MAPKAP1: variants seen among roughly 807,000 people sequenced by gnomAD.
The protein encoded by MAPKAP1 is target of rapamycin complex 2 subunit MAPKAP1.
A neutral mutation model predicts 65.7 loss-of-function variants in MAPKAP1; 20 were observed. The observed-to-expected ratio is 0.30, with a 90% CI of 0.21 to 0.44. MAPKAP1 has a LOEUF of 0.44. Among genes scored for constraint, MAPKAP1 ranks in the 20% least tolerant of loss-of-function variants. The pLI, the probability that MAPKAP1 is intolerant of heterozygous loss-of-function variation, is 1.00. For synonymous variants in MAPKAP1, 222 were observed against 244.3 expected (o/e 0.91, Z 0.85); for missense variants, 423 against 648.0 (o/e 0.65, Z 3.77).
intron 7 of MAPKAP1, among the ~76,000 whole-genome samples, chr9:125,514,963 A>G (rs1829419016): frequency 1.3e-5 from 2 of 152,118 alleles, no homozygotes; most frequent in African/African-American, 2.4e-5. Context: ...TCCATCGCTT[A>G]TAACTCTTCC....
At chr9:125,527,478 T>C (rs1205532425) in intron 7 of MAPKAP1, among the ~76,000 whole-genome samples, 1 of 152,218 alleles carries the variant, frequency 6.6e-6, no homozygotes, top group Non-Finnish European at 1.5e-5. Flanking sequence ...TTAAGTTTTT[T>C]TGTGTGTGTG....
chr9:125,704,649 C>T (rs1180019824), intron 1 of MAPKAP1, among the ~76,000 whole-genome samples: 1 of 152,150 alleles, frequency 6.6e-6, no homozygotes, highest in African/African-American at 2.4e-5. Flanking sequence ...AATTTACCTC[C>T]CTTGCCTGGT....
intron 4 of MAPKAP1, among the ~76,000 whole-genome samples, chr9:125,593,151 A>C (rs1832021520): frequency 6.6e-6 from 1 of 151,912 alleles, no homozygotes; most frequent in Admixed American, 6.6e-5. Context: ...TAAAAATACA[A>C]AAATTAGCTA....
intron 1 of MAPKAP1, among the ~76,000 whole-genome samples, chr9:125,675,220 C>T (rs768936589): frequency 2.0e-5 from 3 of 152,136 alleles, no homozygotes; most frequent in Non-Finnish European, 2.9e-5. Context: ...GAATAGTTCT[C>T]CCTTGCAAAA....
intron 4 of MAPKAP1, among the ~76,000 whole-genome samples, chr9:125,628,876 C>CAAT (rs1473318809): frequency 1.3e-5 from 2 of 151,854 alleles, no homozygotes; most frequent in East Asian, 3.8e-4. Context: ...TCAACAACAA[C>CAAT]AACAACAACA....
chr9:125,694,414 T>C (rs543205997), intron 1 of MAPKAP1, among the ~76,000 whole-genome samples: 3 of 152,014 alleles, frequency 2.0e-5, no homozygotes, highest in Non-Finnish European at 4.4e-5. Context: ...TAAGCACACA[T>C]GCATTTACTA....
chr9:125,527,334 G>C (rs755833175), intron 7 of MAPKAP1, among the ~76,000 whole-genome samples: 6 of 152,164 alleles, frequency 3.9e-5, no homozygotes, highest in Non-Finnish European at 5.9e-5. Context: ...CCAAAGTGCT[G>C]GGATTACAGG....
chr9:125,706,992 G>C lies in MAPKAP1; in HGVS notation c.-91C>G, dbSNP rs1835784037. On this transcript the variant is annotated 5_prime_UTR_variant, in exon 1 of 12. Transcript: ENST00000265960. ...TTACCTGAAGCTGCTTCCACACTAC[G>C]GGCCGGGTCGGCCCCGGGACACGTT... The C allele has an allele frequency of 2.5e-6, 1 of 396,132 alleles. No individual in the cohort carries two copies. The highest frequency in any genetic ancestry group is 4.4e-5 in the Admixed American group (1 of 22,678). The allele number at this position is 396,132 out of a possible 1,614,324, so 24.5% of individuals were successfully genotyped here.
At chr9:125,607,180 C>T (rs1435646650) in intron 4 of MAPKAP1, among the ~76,000 whole-genome samples, 1 of 152,218 alleles carries the variant, frequency 6.6e-6, no homozygotes, top group Non-Finnish European at 1.5e-5. Flanking sequence ...CTGATAATCA[C>T]TTATGACCTA....
chr9:125,583,750 C>G (rs1308536960), intron 5 of MAPKAP1, among the ~76,000 whole-genome samples: 1 of 152,212 alleles, frequency 6.6e-6, no homozygotes, highest in African/African-American at 2.4e-5. Context: ...TCAGTGCCTG[C>G]CCTAAGTAAT....
chr9:125,700,993 G>C (rs1283586004), intron 1 of MAPKAP1, among the ~76,000 whole-genome samples: 1 of 152,182 alleles, frequency 6.6e-6, no homozygotes, highest in East Asian at 1.9e-4. Flanking sequence ...AGGAAGTAAT[G>C]AATAAAGAAC....
intron 9 of MAPKAP1, among the ~76,000 whole-genome samples, chr9:125,483,855 A>C (rs1475083490): frequency 1.3e-5 from 2 of 152,204 alleles, no homozygotes; most frequent in African/African-American, 4.8e-5. Context: ...GACACCTATA[A>C]AAGGCAGCCA....
At chr9:125,578,698 A>T (rs1362862057) in intron 5 of MAPKAP1, among the ~76,000 whole-genome samples, 3 of 152,202 alleles carry the variant, frequency 2.0e-5, no homozygotes, top group Non-Finnish European at 4.4e-5. Flanking sequence ...TAAAGACACA[A>T]AACACATGAA....
At chr9:125,601,901 T>A (rs967492427) in intron 4 of MAPKAP1, among the ~76,000 whole-genome samples, 1 of 152,230 alleles carries the variant, frequency 6.6e-6, no homozygotes, top group Non-Finnish European at 1.5e-5. Context: ...TATGGTTGTT[T>A]ACATTGTGAT....
chr9:125,600,144 A>T (rs551371268), intron 4 of MAPKAP1, among the ~76,000 whole-genome samples: 1 of 152,248 alleles, frequency 6.6e-6, no homozygotes, highest in South Asian at 2.1e-4. Flanking sequence ...CAAGATATCA[A>T]CTGAAAAACT....
At chr9:125,541,416 A>C (rs895852254) in intron 7 of MAPKAP1, among the ~76,000 whole-genome samples, 1 of 152,222 alleles carries the variant, frequency 6.6e-6, no homozygotes, top group African/African-American at 2.4e-5. Context: ...CTCCTTGGAC[A>C]CTTCAGAATA....
At chr9:125,481,666 C>T (rs1854322681) in intron 9 of MAPKAP1, among the ~76,000 whole-genome samples, 1 of 152,010 alleles carries the variant, frequency 6.6e-6, no homozygotes, top group Non-Finnish European at 1.5e-5. Flanking sequence ...AAGTGATCTG[C>T]CCACCTTTGT....
chr9:125,507,057 C>T (rs1829162245), intron 7 of MAPKAP1, among the ~76,000 whole-genome samples: 1 of 152,144 alleles, frequency 6.6e-6, no homozygotes, highest in South Asian at 2.1e-4. Flanking sequence ...AAGACAGTGG[C>T]TACCGATTCA....
intron 6 of MAPKAP1, among the ~76,000 whole-genome samples, chr9:125,552,948 A>G (rs1410319514): frequency 6.6e-6 from 1 of 152,154 alleles, no homozygotes; most frequent in Non-Finnish European, 1.5e-5. Flanking sequence ...AAGCATATAG[A>G]GATGTATTAT....
Sources: allele counts gnomAD v4.1 joint callset (sites outside exome capture counted in the v4.1 genomes callset), GRCh38; gene constraint gnomAD v4.1.1; transcripts MANE v1.5; gene names NCBI Gene and HGNC (gene_info 2026-07-23, HGNC 2026-07-21).